Variants in GRID2IP observed in about 807,000 individuals in gnomAD.
GRID2IP encodes delphilin.
A neutral mutation model predicts 114.3 loss-of-function variants in GRID2IP; 78 were observed. The observed-to-expected ratio is 0.68, with a 90% CI of 0.57 to 0.82. The LOEUF is 0.82. GRID2IP is among the 40% of genes least tolerant of loss of function. GRID2IP has a pLI of 0.00. For missense variants in GRID2IP, 1,727 were observed against 1,678.5 expected (o/e 1.03, Z -0.51); for synonymous variants, 809 against 724.0 (o/e 1.12, Z -1.89).
At chr7:6,530,680 C>A (rs919757105) in intron 2 of GRID2IP, among the ~76,000 whole-genome samples, 3 of 152,164 alleles carry the variant, frequency 2.0e-5, no homozygotes, top group African/African-American at 4.8e-5. Context: ...GTGGAGAGGT[C>A]GTGCCCCCCA....
At chr7:6,498,040 C>A (rs139190691) in intron 21 of GRID2IP, 24 bp downstream of exon 21, 1 of 1,527,156 alleles carries the variant, frequency 6.5e-7, no homozygotes. Flanking sequence ...CAAAAGGGCC[C>A]CTCAGGGCTC....
chr7:6,528,944 C>T lies in GRID2IP; in HGVS notation c.585-2175G>A, dbSNP rs953945030. ...TAAGGTCTCCAGAGCCTGACCGCTC[C>T]ATCTGCCAGGCCTGCACATTCCCTA... On this transcript the variant is annotated intron_variant, in intron 2 of 21. Transcript: ENST00000457091. The surrounding 1 kb of genome is among the most constrained non-coding windows in gnomAD (Gnocchi z 6.0). Among the ~76,000 whole-genome samples, 2 of 152,174 alleles carry T rather than the reference C, an allele frequency of 1.3e-5. No individual in the cohort carries two copies. Among genetic ancestry groups the T allele is most frequent in the African/African-American group, 4.8e-5 (2 of 41,440 alleles).
chr7:6,527,411 T>A (rs1253490272), intron 2 of GRID2IP, among the ~76,000 whole-genome samples: 1 of 152,212 alleles, frequency 6.6e-6, no homozygotes, highest in Non-Finnish European at 1.5e-5. Context: ...ACTGGCCTCC[T>A]TTCAACTTAA....
Position 6,520,692 on chromosome 7 carries a change from A to G in GRID2IP, c.1154T>C (p.Leu385Pro), listed in dbSNP as rs1183707278. 3 of 1,551,674 alleles carry G rather than the reference A, an allele frequency of 1.9e-6. No homozygotes were observed. The highest frequency in any genetic ancestry group is 2.6e-6 in the Non-Finnish European group (3 of 1,146,992). The change falls in exon 7 of 22, where the codon CTG (leucine) becomes CCG (proline). Residue 385 changes from leucine (L) to proline (P), a missense_variant. By Grantham distance (98) the Leu-to-Pro change is moderately conservative. Transcript: ENST00000457091. This position sits in a 1 kb window ranked among gnomAD's most constrained non-coding sequence, Gnocchi z 4.6. ...LTSLQWVAEI[L>P]PSSIRVQGRT... The stretch of plus-strand genomic sequence containing the variant: ...CCCTTGGACCCGGATGCTGGACGGC[A>G]GGATCTCCGCCACCCACTGCAGGGA...
chr7:6,510,001 T>A (rs543938960), intron 11 of GRID2IP, among the ~76,000 whole-genome samples: 1 of 152,176 alleles, frequency 6.6e-6, no homozygotes, highest in Non-Finnish European at 1.5e-5. Flanking sequence ...GCTAATTTTG[T>A]ATTTTTTTTG....
Position 6,498,098 on chromosome 7 carries a change from A to G in GRID2IP, c.3530T>C (p.Phe1177Ser). Residue 1177 changes from phenylalanine to serine, a missense_variant, in exon 21 of 22, where the codon TTC (phenylalanine) becomes TCC (serine). By Grantham distance (155) the Phe-to-Ser change is radical. Coordinates refer to ENST00000457091, the MANE Select transcript of GRID2IP (RefSeq NM_001145118.2). Reference protein sequence around the residue: ...DSKATTSEAFFGIFAEFMSKF... With the variant: ...DSKATTSEAFSGIFAEFMSKF... ...GCTCATGAACTCTGCAAAGATGCCG[A>G]AGAAAGCCTCAGAGGTGGTGGCCTT... 6.4e-7 allele frequency: 1 copy of G among 1,551,588 alleles called. No homozygotes were observed. Among genetic ancestry groups the G allele is most frequent in the African/African-American group, 1.4e-5 (1 of 73,172 alleles).
rs1239452386 is a variant in GRID2IP at position 6,497,473 on chromosome 7, C to A, written c.*301G>T. The A allele has an allele frequency of 3.2e-6, 1 of 309,290 alleles. No homozygotes were observed. Among genetic ancestry groups the A allele is most frequent in the Admixed American group, 4.9e-5 (1 of 20,206 alleles). The allele number at this position is 309,290 out of a possible 1,614,324, so 19.2% of individuals were successfully genotyped here. ...GCCACTTTGTAATCCACCCTCCAGG[C>A]CCCCCTGACAGCCTGGGAGCGAAGT... On this transcript the variant is annotated 3_prime_UTR_variant, in exon 22 of 22. Coordinates refer to ENST00000457091, the MANE Select transcript of GRID2IP (RefSeq NM_001145118.2).
rs184043502 is a variant in GRID2IP at position 6,508,277 on chromosome 7, G to T, written c.2252C>A (p.Pro751Gln). ...CGGTGGTGGGGGGCTGAGCGGGGGT[G>T]GGGGGATGTGGTCAGAGATGGAGGA... ...TYSSISDHIP[P>Q]PPLSPPPPPP... The change falls in exon 13 of 22, where the codon CCA becomes CAA. Residue 751 changes from proline (P) to glutamine (Q), a missense_variant. Pro to Gln is a moderately conservative substitution (Grantham distance 76). Transcript: ENST00000457091. This position sits in a 1 kb window ranked among gnomAD's most constrained non-coding sequence, Gnocchi z 5.6. The T allele has an allele frequency of 0.019, 28,988 of 1,541,880 alleles. 320 individuals are homozygous for T. Among genetic ancestry groups the T allele is most frequent in the Non-Finnish European group, 0.021 (23,872 of 1,142,314 alleles).
Position 6,509,587 on chromosome 7 carries a change from G to A in GRID2IP, c.1772-274C>T, listed in dbSNP as rs945215983. Among the ~76,000 whole-genome samples the A allele has an allele frequency of 1.2e-4, 18 of 152,282 alleles. No homozygotes were observed. Among genetic ancestry groups the A allele is most frequent in the African/African-American group, 4.1e-4 (17 of 41,558 alleles). On this transcript the variant is annotated intron_variant, in intron 11 of 21. Coordinates refer to ENST00000457091, the MANE Select transcript of GRID2IP (RefSeq NM_001145118.2). This position sits in a 1 kb window ranked among gnomAD's most constrained non-coding sequence, Gnocchi z 4.9. ...CCAGGGGTCCCAGCTGGGAGCCACT[G>A]AACACCATTAACTCAAAGGGTGGAG... is the stretch of plus-strand genomic sequence containing the variant.
Position 6,520,801 on chromosome 7 carries a change from A to C in GRID2IP, c.1085-40T>G. The stretch of plus-strand genomic sequence containing the variant: ...GGCGGGAGAGGCATGAGTGACTCAG[A>C]GTCCCCAGGCCAGGTGTAGTCTCCC... On this transcript the variant is annotated intron_variant, in intron 6 of 21. Coordinates refer to ENST00000457091, the MANE Select transcript of GRID2IP (RefSeq NM_001145118.2). This position sits in a 1 kb window ranked among gnomAD's most constrained non-coding sequence, Gnocchi z 4.6. 2.0e-6 allele frequency: 3 copies of C among 1,527,898 alleles called. No individual in the cohort carries two copies. In the East Asian group the frequency reaches 7.4e-5, roughly 38 times the overall value. The allele number at this position is 1,527,898 out of a possible 1,614,324, so 94.6% of individuals were successfully genotyped here.
chr7:6,503,800 AG>A, intron 15 of GRID2IP, 113 bp from the exon 16 acceptor site: 1 of 712,886 alleles, frequency 1.4e-6, no homozygotes, highest in Non-Finnish European at 2.2e-6. Flanking sequence ...GGCGGGGCCT[AG>A]GGGAGAGGAC....
intron 1 of GRID2IP, among the ~76,000 whole-genome samples, chr7:6,547,493 A>G (rs1436472864): frequency 6.6e-6 from 1 of 151,776 alleles, no homozygotes; most frequent in Non-Finnish European, 1.5e-5. Flanking sequence ...GGCTGTAGTG[A>G]GCTATGATTG....
rs541166995 is a variant in GRID2IP at position 6,510,241 on chromosome 7, G to A, written c.1771+42C>T. On this transcript the variant is annotated intron_variant, in intron 11 of 21. Coordinates refer to ENST00000457091, the MANE Select transcript of GRID2IP (RefSeq NM_001145118.2). ...GCTCCAGGGCTGAGCCTGGGGTGGA[G>A]GGAAACACCCAGACAGTAGATGACA... 22 of 1,361,612 alleles carry A rather than the reference G, an allele frequency of 1.6e-5. No individual in the cohort carries two copies. In the South Asian group the frequency reaches 2.9e-4, roughly 18 times the overall value. 84.3% of individuals were successfully genotyped at this position (1,361,612 alleles called of 1,614,324 possible).
chr7:6,525,968 A>G (rs1779502521), intron 4 of GRID2IP, among the ~76,000 whole-genome samples: 1 of 152,258 alleles, frequency 6.6e-6, no homozygotes, highest in Middle Eastern at 3.4e-3. Flanking sequence ...GGGATGCTGA[A>G]TTTAGAGGGG....
At chr7:6,510,753 G>A in intron 9 of GRID2IP, 47 bp from the exon 10 acceptor site, 3 of 1,512,016 alleles carry the variant, frequency 2.0e-6, no homozygotes, top group Non-Finnish European at 2.7e-6. Flanking sequence ...TACGGCTCAG[G>A]CCCCGGCCCA....
intron 8 of GRID2IP, among the ~76,000 whole-genome samples, chr7:6,514,126 G>A (rs985867152): frequency 6.6e-6 from 1 of 151,932 alleles, no homozygotes; most frequent in Non-Finnish European, 1.5e-5. Context: ...AGTGACATGC[G>A]CCTTTAGTCC....
At chr7:6,540,005 T>C in intron 1 of GRID2IP, 133 bp from the exon 2 acceptor site, 6 of 644,254 alleles carry the variant, frequency 9.3e-6, no homozygotes, top group Non-Finnish European at 1.6e-5. Context: ...CTGAGTGCTA[T>C]GCCCATATCA....
chr7:6,508,335 T>C lies in GRID2IP; in HGVS notation c.2194A>G (p.Ser732Gly), dbSNP rs1303259726. Reference sequence around the variant, plus strand: ...AGGGAGCTGCCTTCTTCACTGCTGCTGATGCAGTCGCTGGCGCTGCTCCGC... The same window carrying C: ...AGGGAGCTGCCTTCTTCACTGCTGCCGATGCAGTCGCTGGCGCTGCTCCGC... ...NERSSASDCI[S>G]SSEEGSSLTY... Residue 732 changes from serine (S) to glycine (G), a missense_variant, in exon 13 of 22, where the codon AGC (serine) becomes GGC (glycine). Physicochemically the swap from Ser to Gly is moderately conservative, Grantham distance 56. Transcript: ENST00000457091. The surrounding 1 kb of genome is among the most constrained non-coding windows in gnomAD (Gnocchi z 5.6). 29 of 1,551,572 alleles carry C rather than the reference T, an allele frequency of 1.9e-5. No individual in the cohort carries two copies. The highest frequency in any genetic ancestry group is 2.5e-5 in the Non-Finnish European group (29 of 1,147,038).
chr7:6,501,347 T>C (rs1786409894), intron 20 of GRID2IP, among the ~76,000 whole-genome samples: 1 of 151,630 alleles, frequency 6.6e-6, no homozygotes, highest in Non-Finnish European at 1.5e-5. Flanking sequence ...CAAGGCTCTG[T>C]CTCAAAAAAT....
Sources: gnomAD v4.1 joint callset for allele counts (sites outside exome capture counted in the v4.1 genomes callset) on GRCh38, gnomAD v4.1.1 for gene constraint, Gnocchi (gnomAD v3.1) non-coding constraint, MANE v1.5 for transcripts, NCBI Gene and HGNC (gene_info 2026-07-23, HGNC 2026-07-21) for gene names.